The following AGTR1 variants were observed in gnomAD, a reference collection of about 807,000 sequenced individuals.
The protein encoded by AGTR1 is type-1 angiotensin II receptor.
AGTR1 carries 16 observed loss-of-function variants against 19.4 expected under a neutral mutation model. The observed-to-expected ratio is 0.82, with a 90% confidence interval of 0.56 to 1.25. The LOEUF (loss-of-function observed/expected upper bound fraction) is 1.25, where lower values mean the gene tolerates loss of function less well. Ranked by LOEUF, AGTR1 falls within the 50% of genes most tolerant of loss-of-function variation. The pLI, the probability that AGTR1 is intolerant of heterozygous loss-of-function variation, is 0.00. For missense variants in AGTR1, 373 were observed against 431.9 expected (o/e 0.86, Z 1.21); for synonymous variants, 153 against 154.9 (o/e 0.99, Z 0.09).
chr3:148,733,194 G>A (rs868467601), intron 2 of AGTR1, among the ~76,000 whole-genome samples: 11 of 152,138 alleles, frequency 7.2e-5, no homozygotes, highest in African/African-American at 2.2e-4. Flanking sequence ...GCAGGCTATC[G>A]TTAAAGAATA....
At chr3:148,699,321 C>A (rs984448357) in intron 1 of AGTR1, among the ~76,000 whole-genome samples, 1 of 152,318 alleles carries the variant, frequency 6.6e-6, no homozygotes, top group East Asian at 1.9e-4. Flanking sequence ...TTTTGGATCT[C>A]CAGGTGTTTA....
intron 2 of AGTR1, chr3:148,730,023 A>G: frequency 2.6e-6 from 1 of 381,470 alleles, no homozygotes; most frequent in Non-Finnish European, 4.6e-6. Flanking sequence ...GAACTTAATA[A>G]CACCAACAAA....
intron 2 of AGTR1, among the ~76,000 whole-genome samples, chr3:148,734,488 C>A (rs989061185): frequency 1.3e-5 from 2 of 152,004 alleles, no homozygotes; most frequent in Non-Finnish European, 2.9e-5. Context: ...GGGAAGATGG[C>A]CAGAAGCCAC....
At chr3:148,706,846 T>C (rs1185092941) in intron 1 of AGTR1, among the ~76,000 whole-genome samples, 1 of 152,066 alleles carries the variant, frequency 6.6e-6, no homozygotes, top group African/African-American at 2.4e-5. Flanking sequence ...AAACCCAGAT[T>C]CTTGGTATTA....
intron 2 of AGTR1, among the ~76,000 whole-genome samples, chr3:148,723,491 A>G (rs762090107): frequency 1.3e-5 from 2 of 152,236 alleles, no homozygotes; most frequent in African/African-American, 2.4e-5. Context: ...TCAAAATAGT[A>G]TAAGAATACC....
At chr3:148,723,001 A>T (rs552077573) in intron 2 of AGTR1, among the ~76,000 whole-genome samples, 10 of 152,320 alleles carry the variant, frequency 6.6e-5, no homozygotes, top group Admixed American at 2.0e-4. Flanking sequence ...TTTTCAGTAA[A>T]TCTGAAAAAT....
At chr3:148,733,036 G>A (rs1352552273) in intron 2 of AGTR1, among the ~76,000 whole-genome samples, 5 of 152,166 alleles carry the variant, frequency 3.3e-5, no homozygotes, top group South Asian at 2.1e-4. Context: ...CACCGCGCCC[G>A]GCCCGGAAAA....
intron 1 of AGTR1, among the ~76,000 whole-genome samples, chr3:148,706,387 T>G (rs1365348929): frequency 2.0e-5 from 3 of 152,046 alleles, no homozygotes; most frequent in Admixed American, 2.0e-4. Flanking sequence ...AATGCTAAAC[T>G]TGGTATGCTA....
intron 1 of AGTR1, among the ~76,000 whole-genome samples, chr3:148,698,789 G>A (rs1712141232): frequency 1.3e-5 from 2 of 152,228 alleles, no homozygotes; most frequent in South Asian, 2.1e-4. Context: ...GCCAATGCAT[G>A]TGTGTAACTG....
At chr3:148,718,521 C>T (rs3772620) in intron 2 of AGTR1, among the ~76,000 whole-genome samples, 13,648 of 152,200 alleles carry the variant, frequency 0.09, 849 homozygotes, top group Middle Eastern at 0.15. Context: ...GAACATGGAA[C>T]GCAGTGAAAA....
intron 2 of AGTR1, among the ~76,000 whole-genome samples, chr3:148,714,520 T>C (rs1713179709): frequency 2.0e-5 from 3 of 151,754 alleles, no homozygotes. Flanking sequence ...ATAACAAAAG[T>C]GAAATCAAGT....
At chr3:148,701,325 A>G (rs1712329860) in intron 1 of AGTR1, among the ~76,000 whole-genome samples, 2 of 152,234 alleles carry the variant, frequency 1.3e-5, no homozygotes. Flanking sequence ...TATTGCTGCT[A>G]GCTGTGGTTG....
At chr3:148,723,001 A>C (rs552077573) in intron 2 of AGTR1, among the ~76,000 whole-genome samples, 1 of 152,202 alleles carries the variant, frequency 6.6e-6, no homozygotes, top group South Asian at 2.1e-4. Flanking sequence ...TTTTCAGTAA[A>C]TCTGAAAAAT....
intron 2 of AGTR1, among the ~76,000 whole-genome samples, chr3:148,738,960 C>G (rs1714719853): frequency 6.6e-6 from 1 of 152,148 alleles, no homozygotes; most frequent in Admixed American, 6.5e-5. Flanking sequence ...GGGCCTACAC[C>G]AGAAAACAAG....
intron 2 of AGTR1, among the ~76,000 whole-genome samples, chr3:148,733,124 C>T (rs575548815): frequency 9.2e-5 from 14 of 152,254 alleles, no homozygotes; most frequent in African/African-American, 2.6e-4. Flanking sequence ...GGTCACCCAG[C>T]CAGTGAGTGG....
intron 2 of AGTR1, 42 bp from the exon 3 acceptor site, chr3:148,740,947 A>G (rs1714835317): frequency 3.3e-6 from 5 of 1,537,620 alleles, no homozygotes; most frequent in African/African-American, 1.4e-5. Flanking sequence ...TTTGTTTACA[A>G]TAAGAATTTT....
At chr3:148,737,664 C>T (rs1400015996) in intron 2 of AGTR1, among the ~76,000 whole-genome samples, 1 of 152,186 alleles carries the variant, frequency 6.6e-6, no homozygotes. Context: ...TGCATTGCTA[C>T]TTCCTTGTGC....
intron 2 of AGTR1, among the ~76,000 whole-genome samples, chr3:148,725,428 T>C (rs1166115457): frequency 6.6e-6 from 1 of 152,242 alleles, no homozygotes; most frequent in African/African-American, 2.4e-5. Context: ...AATCAATTTA[T>C]TGGCCATATA....
At chr3:148,710,157 G>A (rs1004583196) in intron 2 of AGTR1, among the ~76,000 whole-genome samples, 5 of 152,106 alleles carry the variant, frequency 3.3e-5, no homozygotes, top group Non-Finnish European at 7.3e-5. Flanking sequence ...TATTAATAAT[G>A]CAGCAGACTT....
Sources: gnomAD v4.1 joint callset for allele counts (sites outside exome capture counted in the v4.1 genomes callset) on GRCh38, gnomAD v4.1.1 for gene constraint, MANE v1.5 for transcripts, NCBI Gene and HGNC (gene_info 2026-07-23, HGNC 2026-07-21) for gene names.